DRC12: variants seen among roughly 807,000 people sequenced by gnomAD.
The protein encoded by DRC12 is dynein regulatory complex protein 12.
chr11:119,193,718 C>T, the DRC12 span: 1 of 1,544,752 alleles, frequency 6.5e-7, no homozygotes, highest in Non-Finnish European at 8.8e-7. Context: ...GTTGGTTGTC[C>T]TCCTCCAAGC....
At chr11:119,195,161 G>A in the DRC12 span, 80 of 640,460 alleles carry the variant, frequency 1.2e-4, no homozygotes, top group Admixed American at 6.0e-4. Flanking sequence ...TGTCCTCACC[G>A]ACCAGCACAT....
chr11:119,192,028 T>G, the DRC12 span, among the ~76,000 whole-genome samples: 1 of 149,364 alleles, frequency 6.7e-6, no homozygotes, highest in African/African-American at 2.5e-5. Flanking sequence ...GAGGCTGGAG[T>G]GCAGTGGTGC....
chr11:119,193,861 C>G, the DRC12 span: 8 of 1,551,532 alleles, frequency 5.2e-6, no homozygotes, highest in African/African-American at 2.7e-5. Context: ...AGCCTTGGCT[C>G]GACGGGCTTC....
At chr11:119,190,696 G>C in the DRC12 span, 1 of 1,610,770 alleles carries the variant, frequency 6.2e-7, no homozygotes, top group East Asian at 2.2e-5. This position sits in a 1 kb window ranked among gnomAD's most constrained non-coding sequence, Gnocchi z 4.2. Context: ...TGGGATCCAG[G>C]GGGTGGTGCT....
At chr11:119,192,656 T>C in the DRC12 span, among the ~76,000 whole-genome samples, 1 of 152,104 alleles carries the variant, frequency 6.6e-6, no homozygotes, top group Non-Finnish European at 1.5e-5. Context: ...TATTTTTATT[T>C]ATTTTTTTGA....
chr11:119,193,252 G>C, the DRC12 span: 1 of 1,612,786 alleles, frequency 6.2e-7, no homozygotes, highest in Non-Finnish European at 8.5e-7. Context: ...CTCTGGGGTG[G>C]GGGCAGTGGG....
the DRC12 span, among the ~76,000 whole-genome samples, chr11:119,192,621 G>A: frequency 6.6e-6 from 1 of 151,962 alleles, no homozygotes; most frequent in Non-Finnish European, 1.5e-5. Flanking sequence ...GAGGAAATGG[G>A]GTGTGAGGCC....
At chr11:119,191,490 G>C in the DRC12 span, among the ~76,000 whole-genome samples, 198 of 151,996 alleles carry the variant, frequency 1.3e-3, 2 homozygotes, top group African/African-American at 4.6e-3. Context: ...CACCTAGCTA[G>C]TATACAGGAG....
At chr11:119,193,323 G>A in the DRC12 span, 3 of 1,232,376 alleles carry the variant, frequency 2.4e-6, no homozygotes, top group Non-Finnish European at 2.4e-6. Context: ...TGTGGGTGGG[G>A]AAGACTCTAC....
chr11:119,192,013 T>A, the DRC12 span, among the ~76,000 whole-genome samples: 1 of 151,646 alleles, frequency 6.6e-6, no homozygotes. Context: ...TCTTACTCTG[T>A]TGCCGAGGCT....
At chr11:119,195,744 A>T in the DRC12 span, 1 of 444,082 alleles carries the variant, frequency 2.3e-6, no homozygotes, top group South Asian at 2.8e-5. Flanking sequence ...GAGAAACGAA[A>T]TCCCTGTACC....
the DRC12 span, chr11:119,194,814 G>A: frequency 1.4e-6 from 1 of 725,272 alleles, no homozygotes; most frequent in South Asian, 1.8e-5. Flanking sequence ...GATGGTTAGG[G>A]TCAACTTAAC....
the DRC12 span, chr11:119,193,110 A>G: frequency 1.3e-6 from 2 of 1,550,696 alleles, no homozygotes; most frequent in Admixed American, 1.7e-5. Flanking sequence ...CCCTTGCTGC[A>G]ACTCTTGGAG....
At chr11:119,191,298 C>G in the DRC12 span, among the ~76,000 whole-genome samples, 2 of 151,776 alleles carry the variant, frequency 1.3e-5, no homozygotes, top group East Asian at 2.0e-4. Flanking sequence ...TGGGGTTTCA[C>G]CATGTTGGCC....
chr11:119,193,690 C>G, the DRC12 span: 1 of 1,530,166 alleles, frequency 6.5e-7, no homozygotes, highest in South Asian at 1.2e-5. Flanking sequence ...GTTTCCCTTC[C>G]TTGCATCAAC....
At chr11:119,193,847 C>A in the DRC12 span, 1 of 1,551,484 alleles carries the variant, frequency 6.4e-7, no homozygotes, top group South Asian at 1.2e-5. Flanking sequence ...AGCTGGTCTT[C>A]GGAAGCCTTG....
the DRC12 span, among the ~76,000 whole-genome samples, chr11:119,194,541 A>AAAAAAAAG: frequency 5.9e-4 from 39 of 66,032 alleles, 6 homozygotes; most frequent in East Asian, 1.2e-3. Context: ...AAAAAAAAAA[A>AAAAAAAAG]AAAATAAATA....
At chr11:119,193,622 C>G in the DRC12 span, 1 of 1,446,714 alleles carries the variant, frequency 6.9e-7, no homozygotes, top group Admixed American at 2.7e-5. Context: ...AGGATCCTTC[C>G]TGATTTGTAC....
At chr11:119,195,425 C>A in the DRC12 span, 1 of 1,551,220 alleles carries the variant, frequency 6.4e-7, no homozygotes, top group Non-Finnish European at 8.7e-7. Flanking sequence ...ATGACTCACC[C>A]CAGTTCTTTT....
Sources: allele counts gnomAD v4.1 joint callset (sites outside exome capture counted in the v4.1 genomes callset), GRCh38; gene constraint gnomAD v4.1.1; non-coding constraint Gnocchi (gnomAD v3.1); transcripts MANE v1.5; gene names NCBI Gene and HGNC (gene_info 2026-07-23, HGNC 2026-07-21).